Variants in DTNA observed in about 807,000 individuals in gnomAD.
The protein encoded by DTNA is dystrobrevin alpha, also known as dystrophin-related protein 3.
In DTNA, 43 loss-of-function variants were observed where a neutral mutation model predicts 100.7. The ratio of observed to expected loss-of-function variants is 0.43; its 90% CI spans 0.33 to 0.55. The LOEUF (loss-of-function observed/expected upper bound fraction) is 0.55, where lower values mean the gene tolerates loss of function less well. Among genes scored for constraint, DTNA ranks in the 20% least tolerant of loss-of-function variants. DTNA has a pLI of 0.04. For missense variants in DTNA, 798 were observed against 953.9 expected, an observed-to-expected ratio of 0.84 and a Z score of 2.15; for synonymous variants, 349 against 347.9, an observed-to-expected ratio of 1.00 and a Z score of -0.04.
chr18:34,836,079 G>T (rs2096135587), intron 11 of DTNA, among the ~76,000 whole-genome samples: 1 of 152,218 alleles, frequency 6.6e-6, no homozygotes, highest in Non-Finnish European at 1.5e-5. Context: ...ATATTGGGCA[G>T]CAGGGGTACT....
chr18:34,830,055 G>A (rs1402267578), intron 11 of DTNA, among the ~76,000 whole-genome samples: 1 of 152,106 alleles, frequency 6.6e-6, no homozygotes, highest in African/African-American at 2.4e-5. Context: ...AATGCTGGTG[G>A]TGAATCACTT....
In DTNA at chr18:34,888,877, G is replaced by C. The variant is rs1347746110; in HGVS notation, c.*1143G>C. Reference sequence around the variant, plus strand: ...TTGCTCTCCTTTTTTTCTGAATGTTGATTGCCTTAGCTGGCCACCTGGTGT... The same window carrying C: ...TTGCTCTCCTTTTTTTCTGAATGTTCATTGCCTTAGCTGGCCACCTGGTGT... On this transcript the variant is annotated 3_prime_UTR_variant, in exon 23 of 23. Coordinates refer to ENST00000444659, the MANE Select transcript of DTNA (RefSeq NM_001386795.1). The C allele has an allele frequency of 1.0e-6, 1 of 985,706 alleles. No homozygotes were observed. The highest frequency in any genetic ancestry group is 1.7e-5 in the African/African-American group (1 of 57,224). 61.1% of individuals were successfully genotyped at this position (985,706 alleles called of 1,614,324 possible).
At chr18:34,508,041 T>C (rs1038016536) in intron 1 of DTNA, among the ~76,000 whole-genome samples, 1 of 152,240 alleles carries the variant, frequency 6.6e-6, no homozygotes, top group African/African-American at 2.4e-5. Context: ...GGTTGATACA[T>C]ATTAATGATT....
rs149231930 is a variant in DTNA, at chr18:34,822,629, GGT to G, written c.1001+1730_1001+1731del. 25 of 152,266 alleles carry G rather than the reference GGT, an allele frequency of 1.6e-4. No individual in the cohort carries two copies. In the Middle Eastern group the frequency reaches 8.3e-3, roughly 51 times the overall value. 9.4% of individuals were successfully genotyped at this position (152,266 alleles called of 1,614,324 possible). A position where few individuals can be genotyped will look rare whatever the true frequency, so the allele number is the denominator to read the frequency against. ...TACCCAGTGGGTGCTAGGATTGGGT[GGT>G]GTGTGTGTGTGTGTGCACGTGTGTG... On this transcript the variant is annotated intron_variant, in intron 9 of 22. Coordinates refer to ENST00000444659, the MANE Select transcript of DTNA (RefSeq NM_001386795.1).
chr18:34,736,493 TAAG>T (rs1296761718), intron 1 of DTNA, among the ~76,000 whole-genome samples: 1 of 152,060 alleles, frequency 6.6e-6, no homozygotes, highest in Admixed American at 6.6e-5. Flanking sequence ...GAGTCACAGA[TAAG>T]AAGAAAAAAT....
chr18:34,833,431 T>TGC (rs1024191883), intron 11 of DTNA, among the ~76,000 whole-genome samples: 6 of 152,012 alleles, frequency 3.9e-5, no homozygotes, highest in Non-Finnish European at 7.4e-5. Context: ...TGTGTGTGTG[T>TGC]GTGTGAGAAA....
chr18:34,890,746 A>C lies in DTNA; in HGVS notation c.*3012A>C, dbSNP rs1237519582. ...GAGATTGTGAAAAATGGGTTCTTGA[A>C]TGATCTACTATAAGGCAGGGAAGGT... is the stretch of plus-strand genomic sequence containing the variant. On this transcript the variant is annotated 3_prime_UTR_variant, in exon 23 of 23. Coordinates refer to ENST00000444659, the MANE Select transcript of DTNA (RefSeq NM_001386795.1). The C allele has an allele frequency of 4.9e-6, 2 of 407,682 alleles. No homozygotes were observed. Among genetic ancestry groups the C allele is most frequent in the African/African-American group, 4.0e-5 (2 of 50,224 alleles). The allele number at this position is 407,682 out of a possible 1,614,324, so 25.3% of individuals were successfully genotyped here.
intron 13 of DTNA, among the ~76,000 whole-genome samples, chr18:34,847,342 A>G (rs1603209314): frequency 6.6e-6 from 1 of 152,228 alleles, no homozygotes; most frequent in Admixed American, 6.5e-5. Context: ...TGTTTCTCTG[A>G]AAGTAAATAT....
intron 1 of DTNA, among the ~76,000 whole-genome samples, chr18:34,739,993 A>G (rs1364545797): frequency 6.6e-6 from 1 of 152,154 alleles, no homozygotes; most frequent in South Asian, 2.1e-4. Context: ...GACTGATTCA[A>G]GTTTCAAGCC....
intron 3 of DTNA, among the ~76,000 whole-genome samples, chr18:34,785,979 G>A (rs1354069116): frequency 6.6e-6 from 1 of 152,154 alleles, no homozygotes; most frequent in African/African-American, 2.4e-5. Context: ...ATGAGTCTCA[G>A]GAACCTAGTG....
intron 1 of DTNA, among the ~76,000 whole-genome samples, chr18:34,560,180 C>T (rs1324785015): frequency 6.6e-6 from 1 of 152,114 alleles, no homozygotes; most frequent in Non-Finnish European, 1.5e-5. Flanking sequence ...TACCTTTTTG[C>T]ACCTCAGCTG....
At chr18:34,509,038 A>G (rs550178264) in intron 1 of DTNA, among the ~76,000 whole-genome samples, 4 of 152,160 alleles carry the variant, frequency 2.6e-5, no homozygotes, top group East Asian at 3.9e-4. Context: ...TCATTTGTGC[A>G]TTCAATTTGA....
At chr18:34,606,522 C>T (rs2579807) in intron 1 of DTNA, among the ~76,000 whole-genome samples, 41,080 of 151,906 alleles carry the variant, frequency 0.27, 7,634 homozygotes, top group African/African-American at 0.52. Flanking sequence ...CATTATACTC[C>T]ATATTTGAAG....
chr18:34,653,628 G>T (rs897129163), intron 1 of DTNA, among the ~76,000 whole-genome samples: 6 of 152,128 alleles, frequency 3.9e-5, no homozygotes, highest in African/African-American at 1.4e-4. Flanking sequence ...TTTGAGACCA[G>T]CCTGGTCAAC....
At chr18:34,735,364 A>C (rs2089335586) in intron 1 of DTNA, among the ~76,000 whole-genome samples, 1 of 152,210 alleles carries the variant, frequency 6.6e-6, no homozygotes, top group Non-Finnish European at 1.5e-5. Flanking sequence ...CAGGATCAAT[A>C]GTTTGTATCC....
intron 9 of DTNA, among the ~76,000 whole-genome samples, chr18:34,824,790 A>G: frequency 6.6e-6 from 1 of 151,854 alleles, no homozygotes; most frequent in East Asian, 1.9e-4. Context: ...TATATTACCC[A>G]GGCTGGTCTG....
chr18:34,857,797 G>T (rs777669767), intron 15 of DTNA, among the ~76,000 whole-genome samples: 2 of 152,106 alleles, frequency 1.3e-5, no homozygotes, highest in Non-Finnish European at 2.9e-5. Flanking sequence ...AGAGAATGAG[G>T]TTACTTAGTT....
chr18:34,591,833 G>T (rs558191094), intron 1 of DTNA, among the ~76,000 whole-genome samples: 2 of 152,204 alleles, frequency 1.3e-5, no homozygotes, highest in East Asian at 3.9e-4. Context: ...AAGGCTAAAA[G>T]CTGGTAAGCC....
rs762184745 is a variant in DTNA at position 34,519,984 on chromosome 18, A to T, written c.-2+26470A>T. Reference sequence around the variant, plus strand: ...AACTCACATTGTAATGTTTACTTGCATAGGTGACTGTAGGTACAGTTCTAG... The same window carrying T: ...AACTCACATTGTAATGTTTACTTGCTTAGGTGACTGTAGGTACAGTTCTAG... On this transcript the variant is annotated intron_variant, in intron 1 of 19. Transcript: ENST00000283365. Among the ~76,000 whole-genome samples the T allele has an allele frequency of 1.7e-4, 26 of 152,274 alleles. 1 individual carries two copies. The South Asian group carries it at 2.1e-3, about 12-fold the overall frequency.
Sources: gnomAD v4.1 joint callset for allele counts (sites outside exome capture counted in the v4.1 genomes callset) on GRCh38, gnomAD v4.1.1 for gene constraint, MANE v1.5 for transcripts, NCBI Gene and HGNC (gene_info 2026-07-23, HGNC 2026-07-21) for gene names.